Variants in OR1R1 observed in about 807,000 individuals in gnomAD.
The protein encoded by OR1R1 is olfactory receptor 1R1.
At chr17:3,386,545 G>A in the OR1R1 span, 31 of 398,434 alleles carry the variant, frequency 7.8e-5, no homozygotes, top group South Asian at 3.6e-3. Flanking sequence ...GGGCCTGGCC[G>A]TGGTGTTGGC....
the OR1R1 span, chr17:3,386,329 G>C: frequency 2.5e-6 from 1 of 398,226 alleles, no homozygotes; most frequent in African/African-American, 2.1e-5. Context: ...GCGCTACGGC[G>C]CGCTGGTGAC....
the OR1R1 span, chr17:3,386,788 C>A: frequency 2.5e-6 from 1 of 398,654 alleles, no homozygotes; most frequent in Non-Finnish European, 4.4e-6. Flanking sequence ...GACCTTGAAC[C>A]CTTTCATCAA....
At chr17:3,386,252 G>A in the OR1R1 span, 1 of 398,672 alleles carries the variant, frequency 2.5e-6, no homozygotes. Context: ...GTGGCTCTGG[G>A]CATCACCGAG....
At chr17:3,386,384 C>T in the OR1R1 span, 2 of 398,356 alleles carry the variant, frequency 5.0e-6, no homozygotes, top group Non-Finnish European at 8.9e-6. Flanking sequence ...TGGGCCGTGA[C>T]GCACCTGCAC....
the OR1R1 span, chr17:3,386,739 C>T: frequency 2.5e-6 from 1 of 398,690 alleles, no homozygotes. Context: ...CAGCCCGCTA[C>T]GACCGCCTGG....
chr17:3,386,285 C>T, the OR1R1 span: 5 of 398,638 alleles, frequency 1.3e-5, no homozygotes, highest in East Asian at 1.1e-4. Flanking sequence ...GCGGCCATGT[C>T]CTACGACCGC....
chr17:3,386,444 C>T, the OR1R1 span: 2 of 398,392 alleles, frequency 5.0e-6, no homozygotes, highest in African/African-American at 2.1e-5. Flanking sequence ...CCCTACCCCA[C>T]CCCCGTGCGC....
the OR1R1 span, chr17:3,386,648 G>A: frequency 2.5e-6 from 1 of 394,008 alleles, no homozygotes; most frequent in Non-Finnish European, 4.4e-6. Context: ...TCCACCTGCG[G>A]GGCCCACCTA....
chr17:3,386,621 G>GCCGGCGC, the OR1R1 span: 1 of 398,554 alleles, frequency 2.5e-6, no homozygotes, highest in Non-Finnish European at 4.4e-6. Flanking sequence ...CTTGCCGGCG[G>GCCGGCGC]CCGGCGCCGC....
At chr17:3,386,379 C>G in the OR1R1 span, 1 of 398,202 alleles carries the variant, frequency 2.5e-6, no homozygotes, top group African/African-American at 2.1e-5. Flanking sequence ...CGTCGTGGGC[C>G]GTGACGCACC....
At chr17:3,386,375 G>A in the OR1R1 span, 2 of 398,302 alleles carry the variant, frequency 5.0e-6, no homozygotes, top group Non-Finnish European at 8.9e-6. Flanking sequence ...CGTGCGTCGT[G>A]GGCCGTGACG....
the OR1R1 span, chr17:3,386,390 T>A: frequency 1.5e-5 from 6 of 398,272 alleles, no homozygotes; most frequent in Admixed American, 8.8e-5. Flanking sequence ...GTGACGCACC[T>A]GCACTCGCTG....
the OR1R1 span, chr17:3,386,658 A>AGCGGCG: frequency 2.5e-6 from 1 of 397,510 alleles, no homozygotes; most frequent in African/African-American, 2.1e-5. Flanking sequence ...GGGCCCACCT[A>AGCGGCG]GTGGCGGTGG....
chr17:3,386,318 T>G, the OR1R1 span: 3 of 398,130 alleles, frequency 7.5e-6, no homozygotes, highest in African/African-American at 6.2e-5. Flanking sequence ...TGCCGGCCCC[T>G]GCGCTACGGC....
the OR1R1 span, chr17:3,386,637 C>T: frequency 2.0e-5 from 8 of 398,082 alleles, no homozygotes; most frequent in Admixed American, 2.7e-4. Flanking sequence ...GCCGCGCCTT[C>T]TCCACCTGCG....
chr17:3,386,758 G>T, the OR1R1 span: 3 of 398,644 alleles, frequency 7.5e-6, no homozygotes, highest in Non-Finnish European at 1.3e-5. Flanking sequence ...GGCCAGCGTG[G>T]TCTACGCTGT....
At chr17:3,386,296 C>G in the OR1R1 span, 217,215 of 398,150 alleles carry the variant, frequency 0.55, 63,976 homozygotes, top group East Asian at 1. Flanking sequence ...CTACGACCGC[C>G]CGACGGCGGC....
the OR1R1 span, chr17:3,386,087 G>A: frequency 2.5e-6 from 1 of 398,672 alleles, no homozygotes. Context: ...AGATCCGACG[G>A]GGCCCTCCGC....
chr17:3,386,263 A>G, the OR1R1 span: 1 of 398,286 alleles, frequency 2.5e-6, no homozygotes, highest in Non-Finnish European at 4.4e-6. Flanking sequence ...CATCACCGAG[A>G]GCTACCTCCT....
Sources: gnomAD v4.1 joint callset for allele counts on GRCh38, gnomAD v4.1.1 for gene constraint, MANE v1.5 for transcripts, NCBI Gene and HGNC (gene_info 2026-07-23, HGNC 2026-07-21) for gene names.